The following FGF14 variants were observed in gnomAD, a reference collection of about 807,000 sequenced individuals.
The protein encoded by FGF14 is fibroblast growth factor homologous factor 4.
FGF14 carries 5 observed loss-of-function variants against 25.5 expected under a neutral mutation model. The ratio of observed to expected loss-of-function variants is 0.20; its 90% CI spans 0.10 to 0.41. FGF14 has a LOEUF of 0.41. Ranked by LOEUF, FGF14 falls within the 10% of genes least tolerant of loss-of-function variation. The probability of loss-of-function intolerance (pLI) is 1.00; values close to 1 mark genes in which losing one functional copy is unlikely to be tolerated. For missense variants in FGF14, 222 were observed against 320.1 expected, an observed-to-expected ratio of 0.69 and a Z score of 2.34; for synonymous variants, 138 against 118.3, an observed-to-expected ratio of 1.17 and a Z score of -1.08.
intron 1 of FGF14, among the ~76,000 whole-genome samples, chr13:102,078,762 T>C (rs927040001): frequency 2.0e-5 from 3 of 152,190 alleles, no homozygotes; most frequent in Admixed American, 2.0e-4. Flanking sequence ...TCTCGACGTG[T>C]ATTAAGAACT....
At chr13:102,243,274 AG>A (rs2051693146) in intron 1 of FGF14, among the ~76,000 whole-genome samples, 1 of 152,116 alleles carries the variant, frequency 6.6e-6, no homozygotes, top group Non-Finnish European at 1.5e-5. Context: ...ATAGCAGCTT[AG>A]CTTTTACCAT....
intron 1 of FGF14, among the ~76,000 whole-genome samples, chr13:102,135,662 T>A (rs1242451269): frequency 6.6e-6 from 1 of 152,158 alleles, no homozygotes; most frequent in African/African-American, 2.4e-5. Flanking sequence ...CAATGAAATA[T>A]TGTTTGTTTT....
chr13:102,138,906 T>A (rs1281354937), intron 1 of FGF14, among the ~76,000 whole-genome samples: 1 of 152,236 alleles, frequency 6.6e-6, no homozygotes, highest in East Asian at 1.9e-4. Flanking sequence ...TACTTTATAA[T>A]TGCTTTGGGA....
At chr13:101,938,261 AT>A (rs1019767833) in intron 1 of FGF14, among the ~76,000 whole-genome samples, 47 of 152,194 alleles carry the variant, frequency 3.1e-4, no homozygotes, top group African/African-American at 9.6e-4. Context: ...ACATTTGACC[AT>A]TTGCTTCATA....
chr13:101,820,893 G>GT (rs2042105097), intron 3 of FGF14, among the ~76,000 whole-genome samples: 1 of 88,344 alleles, frequency 1.1e-5, no homozygotes, highest in African/African-American at 3.5e-5. Context: ...CTTCTTTTTA[G>GT]TCCAGTCTCC....
At chr13:102,144,861 CAG>C (rs2046789431) in intron 1 of FGF14, among the ~76,000 whole-genome samples, 2 of 152,224 alleles carry the variant, frequency 1.3e-5, no homozygotes, top group Middle Eastern at 3.4e-3. Context: ...ACAAATGCAA[CAG>C]ATTCTAAAAC....
At chr13:102,191,165 C>T (rs1433977676) in intron 1 of FGF14, among the ~76,000 whole-genome samples, 1 of 152,182 alleles carries the variant, frequency 6.6e-6, no homozygotes, top group East Asian at 1.9e-4. Context: ...TTCCCCAGGA[C>T]ATCGGTCAAA....
intron 1 of FGF14, among the ~76,000 whole-genome samples, chr13:102,378,568 T>A (rs77769843): frequency 0.011 from 1,655 of 151,586 alleles, 22 homozygotes; most frequent in African/African-American, 0.038. Flanking sequence ...CATTCTAGGT[T>A]TTACATTAAG....
At position 101,948,470 on chromosome 13, in the gene FGF14, A is replaced by AAAT. The variant is rs987611326; in HGVS notation, c.209-73175_209-73174insATT. 1.8e-3 allele frequency among the ~76,000 whole-genome samples: 263 copies of AAAT among 146,062 alleles called. 3 individuals carry two copies. The highest frequency in any genetic ancestry group is 6.3e-3 in the African/African-American group (246 of 39,028). On this transcript the variant is annotated intron_variant, in intron 1 of 4. Coordinates refer to the FGF14 transcript ENST00000376131. The stretch of plus-strand genomic sequence containing the variant: ...CCTAGAACTTAAAGTATAATAAAAA[A>AAAT]ATATATATATATATATATAAAGAAA...
rs1250668692 is a variant in FGF14 at position 101,719,988 on chromosome 13, T to C, written c.*2843A>G. ...AGTTTACCAACTTATTTACATGACATTTCTCTATATTGGTGAGTAATGCAA... is the reference window on the plus strand; with the variant it reads ...AGTTTACCAACTTATTTACATGACACTTCTCTATATTGGTGAGTAATGCAA... On this transcript the variant is annotated 3_prime_UTR_variant, in exon 5 of 5. Coordinates refer to ENST00000376143, the MANE Select transcript of FGF14 (RefSeq NM_004115.4). 1 of 152,162 alleles carries C rather than the reference T, an allele frequency of 6.6e-6. No individual in the cohort carries two copies. The highest frequency in any genetic ancestry group is 1.5e-5 in the Non-Finnish European group (1 of 68,022). The allele number at this position is 152,162 out of a possible 1,614,324, so 9.4% of individuals were successfully genotyped here.
intron 1 of FGF14, among the ~76,000 whole-genome samples, chr13:101,881,176 G>A (rs768326085): frequency 6.6e-6 from 1 of 152,116 alleles, no homozygotes; most frequent in Non-Finnish European, 1.5e-5. Context: ...GGGATTCCTA[G>A]CCCAGGGTTG....
chr13:102,383,651 G>A (rs889439326), intron 1 of FGF14, among the ~76,000 whole-genome samples: 1 of 152,104 alleles, frequency 6.6e-6, no homozygotes, highest in Admixed American at 6.6e-5. Context: ...AGAAAAAAGG[G>A]GAATGAGGAT....
chr13:102,379,438 A>G (rs2139163866), intron 1 of FGF14, among the ~76,000 whole-genome samples: 1 of 151,876 alleles, frequency 6.6e-6, no homozygotes, highest in East Asian at 1.9e-4. Context: ...ACATATTTAT[A>G]TATATGTGTA....
intron 1 of FGF14, among the ~76,000 whole-genome samples, chr13:101,895,828 A>G (rs866769983): frequency 6.6e-6 from 1 of 152,006 alleles, no homozygotes. Context: ...ATTCTCACGT[A>G]TTTTTTTTAC....
At chr13:102,286,485 T>C (rs2054104893) in intron 1 of FGF14, among the ~76,000 whole-genome samples, 1 of 152,192 alleles carries the variant, frequency 6.6e-6, no homozygotes, top group South Asian at 2.1e-4. Context: ...AACCTGGGAA[T>C]TCTCTGAGGC....
At chr13:102,066,834 G>A (rs142511258) in intron 1 of FGF14, among the ~76,000 whole-genome samples, 44 of 152,278 alleles carry the variant, frequency 2.9e-4, no homozygotes, top group East Asian at 9.7e-4. Flanking sequence ...TACCTAGGCT[G>A]TCCATGAACC....
chr13:102,368,548 T>A (rs1038596955), intron 1 of FGF14, among the ~76,000 whole-genome samples: 2 of 152,048 alleles, frequency 1.3e-5, no homozygotes, highest in African/African-American at 4.8e-5. Context: ...AGCTCCAGAG[T>A]CCCTGAGAAG....
At chr13:102,077,058 G>A (rs1453744551) in intron 1 of FGF14, among the ~76,000 whole-genome samples, 1 of 152,146 alleles carries the variant, frequency 6.6e-6, no homozygotes, top group Non-Finnish European at 1.5e-5. Context: ...CATAGTGTTG[G>A]AACAACTGGA....
intron 1 of FGF14, among the ~76,000 whole-genome samples, chr13:102,191,267 T>C (rs1409118500): frequency 6.6e-6 from 1 of 152,130 alleles, no homozygotes; most frequent in African/African-American, 2.4e-5. Context: ...ACATGGAAAA[T>C]GTGGTGAATG....
Sources: allele counts gnomAD v4.1 joint callset (sites outside exome capture counted in the v4.1 genomes callset), GRCh38; gene constraint gnomAD v4.1.1; transcripts MANE v1.5; gene names NCBI Gene and HGNC (gene_info 2026-07-23, HGNC 2026-07-21).